Variants in COL27A1 observed in about 807,000 individuals in gnomAD.
COL27A1 encodes the protein collagen type XXVII alpha 1 chain.
COL27A1 carries 106 observed loss-of-function variants against 251.3 expected under a neutral mutation model. The observed-to-expected ratio is 0.42, with a 90% CI of 0.36 to 0.50. COL27A1 has a LOEUF of 0.50. COL27A1 is among the 20% of genes least tolerant of loss of function. The pLI is 0.00. For missense variants in COL27A1, 2,325 were observed against 2,522.8 expected (o/e 0.92, Z 1.68); for synonymous variants, 1,000 against 986.3 (o/e 1.01, Z -0.26).
At chr9:114,179,743 GA>G (rs559209755) in intron 4 of COL27A1, among the ~76,000 whole-genome samples, 4 of 150,762 alleles carry the variant, frequency 2.7e-5, no homozygotes, top group Non-Finnish European at 5.9e-5. Flanking sequence ...CTGAGGCTCA[GA>G]AAGGTTTAGT....
chr9:114,223,638 A>T (rs1027111532), intron 14 of COL27A1, among the ~76,000 whole-genome samples: 2 of 152,184 alleles, frequency 1.3e-5, no homozygotes, highest in East Asian at 3.9e-4. Flanking sequence ...CACACAGTCC[A>T]TTCCAGTCCA....
At chr9:114,265,205 C>T (rs1049734371) in intron 31 of COL27A1, 95 bp downstream of exon 31, 4 of 1,259,074 alleles carry the variant, frequency 3.2e-6, no homozygotes, top group East Asian at 4.7e-5. Context: ...TTACCAAGTT[C>T]CTGTCCTTCT....
intron 12 of COL27A1, among the ~76,000 whole-genome samples, chr9:114,214,065 T>A (rs558004081): frequency 1.3e-5 from 2 of 152,296 alleles, no homozygotes; most frequent in East Asian, 3.9e-4. Flanking sequence ...ATTTAATGTG[T>A]ACGTAATGGG....
In COL27A1 at chr9:114,206,578, C is replaced by A. The variant is rs10115946; in HGVS notation, c.2268+282C>A. 8.1e-3 allele frequency among the ~76,000 whole-genome samples: 1,233 copies of A among 152,356 alleles called. 12 individuals carry two copies. The highest frequency in any genetic ancestry group is 0.028 in the African/African-American group (1,163 of 41,576). On this transcript the variant is annotated intron_variant, in intron 10 of 60. Coordinates refer to ENST00000356083, the MANE Select transcript of COL27A1 (RefSeq NM_032888.4). Reference sequence around the variant, plus strand: ...ACAGCTAGGCATTTGTTTGCTGTGTCTCCTGGCTCATCCCAAGTTACAAGG... The same window carrying A: ...ACAGCTAGGCATTTGTTTGCTGTGTATCCTGGCTCATCCCAAGTTACAAGG...
intron 1 of COL27A1, 51 bp from the exon 2 acceptor site, chr9:114,162,664 T>C (rs2135026904): frequency 2.2e-6 from 3 of 1,335,096 alleles, no homozygotes; most frequent in Non-Finnish European, 2.1e-6. Flanking sequence ...CGGATCCGGG[T>C]GTGAGGGGTG....
chr9:114,297,341 A>G (rs373719516), intron 49 of COL27A1, among the ~76,000 whole-genome samples: 13 of 152,220 alleles, frequency 8.5e-5, no homozygotes, highest in East Asian at 7.7e-4. Flanking sequence ...AGCCAGTATT[A>G]TCCTGATACC....
In COL27A1 at chr9:114,300,654, C is replaced by A; in HGVS notation, c.4668C>A (p.Gly1556=). ...CGCCTGGAGACATTGGCTTCAAAGG[C>A]ATCCAGGGCCCTCGGGGGCCACCTG... is the stretch of plus-strand genomic sequence containing the variant. The part of the protein sequence containing the change: ...KGPPGDIGFK[G]IQGPRGPPGL... Residue 1556 remains glycine (G), a synonymous_variant, in exon 51 of 61, where the codon GGC becomes GGA. Transcript: ENST00000356083. The A allele has an allele frequency of 6.6e-7, 1 of 1,522,052 alleles. No individual in the cohort carries two copies. The highest frequency in any genetic ancestry group is 2.3e-5 in the Admixed American group (1 of 43,738). 94.3% of individuals were successfully genotyped at this position (1,522,052 alleles called of 1,614,324 possible).
intron 56 of COL27A1, among the ~76,000 whole-genome samples, chr9:114,304,116 A>G (rs1369258506): frequency 6.6e-6 from 1 of 152,242 alleles, no homozygotes; most frequent in African/African-American, 2.4e-5. Context: ...GTCTCCAGAT[A>G]TTGCCAAATA....
chr9:114,167,875 A>G lies in COL27A1; in HGVS notation c.320A>G (p.His107Arg). The G allele has an allele frequency of 6.2e-7, 1 of 1,613,420 alleles. No individual in the cohort carries two copies. Among genetic ancestry groups the G allele is most frequent in the Non-Finnish European group, 8.5e-7 (1 of 1,179,964 alleles). The change falls in exon 3 of 61, where the codon CAC (histidine) becomes CGC (arginine). Residue 107 changes from histidine to arginine, a missense_variant. Physicochemically the swap from His to Arg is conservative, Grantham distance 29. Around this residue, in one of 4 missense-constraint regions of COL27A1, gnomAD observed 1,183 missense variants for 1,144.1 expected, o/e 1.03. Coordinates refer to ENST00000356083, the MANE Select transcript of COL27A1 (RefSeq NM_032888.4). ...GCACTGGTGCTGAGCCTCTGCTCCC[A>G]CCGGGTGAACCATGCCTTCCTCTTC... ...ELALVLSLCSHRVNHAFLFAV... is the reference protein window; with the variant it reads ...ELALVLSLCSRRVNHAFLFAV...
intron 56 of COL27A1, among the ~76,000 whole-genome samples, chr9:114,302,571 A>G (rs1388389368): frequency 6.6e-6 from 1 of 152,078 alleles, no homozygotes; most frequent in African/African-American, 2.4e-5. Flanking sequence ...TACTAAAAAT[A>G]CTTAAGTAGT....
At chr9:114,289,065 TC>T (rs1827719207) in intron 44 of COL27A1, 98 bp downstream of exon 44, 1 of 1,471,126 alleles carries the variant, frequency 6.8e-7, no homozygotes, top group Admixed American at 1.9e-5. Flanking sequence ...AAAGGGACCC[TC>T]CCTGCAGGAG....
intron 8 of COL27A1, among the ~76,000 whole-genome samples, chr9:114,205,417 G>A (rs1226390065): frequency 6.6e-6 from 1 of 152,242 alleles, no homozygotes; most frequent in African/African-American, 2.4e-5. Flanking sequence ...GGCCTGTTCC[G>A]GGCGATGTTA....
rs1313597461 is a variant in COL27A1, at chr9:114,311,447, C to T, written c.*752C>T. The T allele has an allele frequency of 1.3e-5, 2 of 151,332 alleles. No homozygotes were observed. The highest frequency in any genetic ancestry group is 6.6e-5 in the Admixed American group (1 of 15,162). The allele number at this position is 151,332 out of a possible 1,614,324, so 9.4% of individuals were successfully genotyped here. A position where few individuals can be genotyped will look rare whatever the true frequency, so the allele number is the denominator to read the frequency against. On this transcript the variant is annotated 3_prime_UTR_variant, in exon 61 of 61. Coordinates refer to ENST00000356083, the MANE Select transcript of COL27A1 (RefSeq NM_032888.4). ...TGGGGCATCATCCGCATCTTTCTCT[C>T]TCCTCCAAATGACAAAGTTTGGGGA... is the stretch of plus-strand genomic sequence containing the variant.
At chr9:114,202,385 A>G (rs1187432388) in intron 7 of COL27A1, among the ~76,000 whole-genome samples, 1 of 152,204 alleles carries the variant, frequency 6.6e-6, no homozygotes, top group Non-Finnish European at 1.5e-5. Context: ...CAGGTAGAAT[A>G]CGGCAGAGTG....
At chr9:114,268,494 G>A (rs748407834) in intron 34 of COL27A1, among the ~76,000 whole-genome samples, 5 of 152,154 alleles carry the variant, frequency 3.3e-5, no homozygotes, top group East Asian at 3.9e-4. Flanking sequence ...CTTCCTCCTC[G>A]TTTGGGTTTC....
In COL27A1 at chr9:114,210,967, G is replaced by C. The variant is rs554464911; in HGVS notation, c.2323-15G>C. Reference sequence around the variant, plus strand: ...GGCATCCTGCCCTGACCTCTCCCCTGTCTCTCCCCTGCAGGGCCTGCCTGG... The same window carrying C: ...GGCATCCTGCCCTGACCTCTCCCCTCTCTCTCCCCTGCAGGGCCTGCCTGG... On this transcript the variant is annotated splice_polypyrimidine_tract_variant and intron_variant, in intron 11 of 60. Transcript: ENST00000356083. 41 of 1,614,128 alleles carry C rather than the reference G, an allele frequency of 2.5e-5. 1 individual carries two copies. The South Asian group carries it at 2.9e-4, about 11-fold the overall frequency.
chr9:114,305,344 G>T (rs1292701704), intron 57 of COL27A1, among the ~76,000 whole-genome samples: 1 of 152,184 alleles, frequency 6.6e-6, no homozygotes. Flanking sequence ...CTTACCATCT[G>T]TCCGGGGAGG....
At chr9:114,198,753 A>C (rs79525547) in intron 7 of COL27A1, among the ~76,000 whole-genome samples, 2,204 of 152,240 alleles carry the variant, frequency 0.014, 50 homozygotes, top group African/African-American at 0.05. Flanking sequence ...TGTGGAAGGA[A>C]TTTGCTGGGC....
intron 25 of COL27A1, among the ~76,000 whole-genome samples, chr9:114,251,322 C>T (rs889706338): frequency 6.6e-5 from 10 of 151,936 alleles, no homozygotes; most frequent in Admixed American, 1.3e-4. Flanking sequence ...AAGTATCCCC[C>T]GCAAGTCTGG....
Sources: allele counts gnomAD v4.1 joint callset (sites outside exome capture counted in the v4.1 genomes callset), GRCh38; gene constraint gnomAD v4.1.1; regional missense constraint gnomAD v4.1.1; transcripts MANE v1.5; gene names NCBI Gene and HGNC (gene_info 2026-07-23, HGNC 2026-07-21).